The following LRP1B variants were observed in gnomAD, a reference collection of about 807,000 sequenced individuals.
LRP1B encodes the protein low-density lipoprotein receptor-related protein 1B.
A neutral mutation model predicts 556.6 loss-of-function variants in LRP1B; 217 were observed. The observed-to-expected ratio is 0.39, with a 90% CI of 0.35 to 0.44. LRP1B has a LOEUF of 0.44. Ranked by LOEUF, LRP1B falls within the 20% of genes least tolerant of loss-of-function variation. The pLI, the probability that LRP1B is intolerant of heterozygous loss-of-function variation, is 1.00. For missense variants in LRP1B, 5,053 were observed against 5,620.8 expected (o/e 0.90, Z 3.23); for synonymous variants, 2,047 against 1,865.8 (o/e 1.10, Z -2.50).
rs893122304 is a variant in LRP1B at position 140,273,805 on chromosome 2, C to T, written c.13142+619G>A. ...ACGATAGAAACTGAATGGCACAACCCTTTAGCCGCAATGTTCTGTTTTCCA... is the reference window on the plus strand; with the variant it reads ...ACGATAGAAACTGAATGGCACAACCTTTTAGCCGCAATGTTCTGTTTTCCA... On this transcript the variant is annotated intron_variant, in intron 85 of 90. Coordinates refer to ENST00000389484, the MANE Select transcript of LRP1B (RefSeq NM_018557.3). Among the ~76,000 whole-genome samples the T allele has an allele frequency of 1.4e-4, 22 of 151,988 alleles. 1 individual carries two copies. Among genetic ancestry groups the T allele is most frequent in the Admixed American group, 5.9e-4 (9 of 15,220 alleles).
intron 2 of LRP1B, among the ~76,000 whole-genome samples, chr2:141,693,763 C>T (rs1220910700): frequency 6.6e-6 from 1 of 151,978 alleles, no homozygotes; most frequent in Non-Finnish European, 1.5e-5. Flanking sequence ...CTTATCAATG[C>T]CCCTTCTCAG....
intron 1 of LRP1B, among the ~76,000 whole-genome samples, chr2:142,105,082 T>C (rs879904258): frequency 2.6e-5 from 4 of 152,140 alleles, no homozygotes; most frequent in Non-Finnish European, 5.9e-5. Flanking sequence ...AGGAGGCTCA[T>C]AGGCTGATGT....
intron 41 of LRP1B, among the ~76,000 whole-genome samples, chr2:140,641,829 A>T (rs1245266241): frequency 6.6e-6 from 1 of 152,248 alleles, no homozygotes; most frequent in African/African-American, 2.4e-5. Context: ...TTTTAAAAAT[A>T]GGCTCTGGAA....
At chr2:140,354,270 A>T (rs1224050844) in intron 75 of LRP1B, among the ~76,000 whole-genome samples, 2 of 152,094 alleles carry the variant, frequency 1.3e-5, no homozygotes, top group African/African-American at 4.8e-5. Context: ...TGCGTAGCAC[A>T]CAAACAATGT....
chr2:140,683,562 T>A (rs549407971), intron 41 of LRP1B: 6 of 666,086 alleles, frequency 9.0e-6, no homozygotes, highest in Non-Finnish European at 1.4e-5. Context: ...CAACTCCAAG[T>A]CCCAGTCTTC....
At chr2:141,672,699 C>A (rs1690720166) in intron 2 of LRP1B, among the ~76,000 whole-genome samples, 1 of 152,174 alleles carries the variant, frequency 6.6e-6, no homozygotes, top group Non-Finnish European at 1.5e-5. Flanking sequence ...ATAAAAACAA[C>A]ACACATGATG....
intron 27 of LRP1B, among the ~76,000 whole-genome samples, chr2:140,853,867 C>A (rs1692532660): frequency 1.3e-5 from 2 of 151,642 alleles, no homozygotes; most frequent in South Asian, 4.2e-4. Context: ...TTGATTTTGT[C>A]TGTTATAATA....
intron 29 of LRP1B, among the ~76,000 whole-genome samples, chr2:140,842,938 C>T (rs1015995311): frequency 2.0e-5 from 3 of 151,788 alleles, no homozygotes; most frequent in African/African-American, 7.3e-5. Flanking sequence ...TGATATGGGG[C>T]TGAAGAATAT....
At position 141,733,374 on chromosome 2, in the gene LRP1B, A is replaced by G. The variant is rs191431172; in HGVS notation, c.205+76905T>C. On this transcript the variant is annotated intron_variant, in intron 2 of 90. Coordinates refer to ENST00000389484, the MANE Select transcript of LRP1B (RefSeq NM_018557.3). ...CCTGTAGACTTTCATTATGCATCACAAAACTATCACTCTGATACACTGGAT... is the reference window on the plus strand; with the variant it reads ...CCTGTAGACTTTCATTATGCATCACGAAACTATCACTCTGATACACTGGAT... Among the ~76,000 whole-genome samples, 99 of 152,226 alleles carry G rather than the reference A, an allele frequency of 6.5e-4. No individual in the cohort carries two copies. The East Asian group carries it at 0.015, about 24-fold the overall frequency.
chr2:141,399,186 GC>G (rs1247898850), intron 3 of LRP1B, among the ~76,000 whole-genome samples: 2 of 152,112 alleles, frequency 1.3e-5, no homozygotes, highest in Non-Finnish European at 2.9e-5. Context: ...AACTCAGGAG[GC>G]AGAGGTTGCC....
At chr2:141,251,599 T>A (rs1406586328) in intron 4 of LRP1B, among the ~76,000 whole-genome samples, 1 of 151,994 alleles carries the variant, frequency 6.6e-6, no homozygotes, top group Non-Finnish European at 1.5e-5. Context: ...GAGGTAGAAA[T>A]TGATAGACCA....
At chr2:140,922,735 A>G (rs1694774718) in intron 21 of LRP1B, among the ~76,000 whole-genome samples, 1 of 152,124 alleles carries the variant, frequency 6.6e-6, no homozygotes, top group Non-Finnish European at 1.5e-5. Flanking sequence ...GAGCGTAAGC[A>G]AGTTAAAAAC....
intron 20 of LRP1B, among the ~76,000 whole-genome samples, chr2:140,925,653 A>G (rs1419338515): frequency 1.3e-5 from 2 of 152,188 alleles, no homozygotes; most frequent in East Asian, 3.9e-4. Flanking sequence ...AATAAGAATC[A>G]AAGACTGGCA....
chr2:140,838,267 C>A (rs574819220), intron 31 of LRP1B, among the ~76,000 whole-genome samples: 6 of 152,098 alleles, frequency 3.9e-5, no homozygotes, highest in African/African-American at 4.8e-5. Context: ...AGATAAGTAC[C>A]AACTGAATTG....
intron 2 of LRP1B, among the ~76,000 whole-genome samples, chr2:141,543,911 C>T (rs1389247315): frequency 3.3e-5 from 5 of 152,052 alleles, no homozygotes; most frequent in Admixed American, 6.6e-5. Context: ...ACTGATTCTC[C>T]TCACAGCTCT....
Position 141,214,461 on chromosome 2 carries a change from C to T in LRP1B, c.850+14722G>A, listed in dbSNP as rs150297958. Among the ~76,000 whole-genome samples, 3 of 152,272 alleles carry T rather than the reference C, an allele frequency of 2.0e-5. No homozygotes were observed. The East Asian group carries it at 5.8e-4, about 29-fold the overall frequency. The stretch of plus-strand genomic sequence containing the variant: ...TTGCAAATGTATCTCCTAATGCACA[C>T]ATCATTTTATGCATCTAAACACCTA... On this transcript the variant is annotated intron_variant, in intron 6 of 90. Coordinates refer to ENST00000389484, the MANE Select transcript of LRP1B (RefSeq NM_018557.3).
intron 3 of LRP1B, among the ~76,000 whole-genome samples, chr2:141,313,913 T>C (rs896854951): frequency 6.6e-6 from 1 of 152,168 alleles, no homozygotes; most frequent in Admixed American, 6.5e-5. Flanking sequence ...CATGCTTTTT[T>C]CCTCTTTATT....
intron 3 of LRP1B, among the ~76,000 whole-genome samples, chr2:141,289,360 T>C (rs191719891): frequency 0.036 from 4,260 of 119,220 alleles, 252 homozygotes; most frequent in African/African-American, 0.13. Context: ...CCAGCCTGGG[T>C]GACAGAGCGA....
intron 43 of LRP1B, among the ~76,000 whole-genome samples, chr2:140,573,841 G>A (rs1226563215): frequency 6.6e-6 from 1 of 151,978 alleles, no homozygotes; most frequent in African/African-American, 2.4e-5. Flanking sequence ...ACAACCTGGA[G>A]GATGTTGGCC....
Sources: gnomAD v4.1 joint callset for allele counts (sites outside exome capture counted in the v4.1 genomes callset) on GRCh38, gnomAD v4.1.1 for gene constraint, MANE v1.5 for transcripts, NCBI Gene and HGNC (gene_info 2026-07-23, HGNC 2026-07-21) for gene names.